GABRR2: variants seen among roughly 807,000 people sequenced by gnomAD.
GABRR2 encodes gamma-aminobutyric acid receptor subunit rho-2.
In GABRR2, 36 loss-of-function variants were observed where a neutral mutation model predicts 47.0. That is an observed-to-expected ratio of 0.77 (90% CI 0.59 to 1.01). GABRR2 has a LOEUF of 1.01. Among genes scored for constraint, GABRR2 ranks in the 50% least tolerant of loss-of-function variants. The pLI is 0.00. For missense variants in GABRR2, 587 were observed against 594.6 expected (o/e 0.99, Z 0.13); for synonymous variants, 204 against 227.5 (o/e 0.90, Z 0.93).
At chr6:89,292,910 A>G (rs1774496920) in intron 2 of GABRR2, among the ~76,000 whole-genome samples, 2 of 149,570 alleles carry the variant, frequency 1.3e-5, no homozygotes, top group African/African-American at 4.9e-5. Context: ...ATATATATAT[A>G]TGCTCATCTA....
chr6:89,294,631 G>A (rs1421096890), intron 2 of GABRR2, among the ~76,000 whole-genome samples: 2 of 151,948 alleles, frequency 1.3e-5, no homozygotes, highest in African/African-American at 4.8e-5. Context: ...GGGTGGGTTG[G>A]GCCCAGGCTC....
chr6:89,302,620 T>C (rs1263502463), intron 1 of GABRR2: 2 of 1,237,658 alleles, frequency 1.6e-6, no homozygotes, highest in Non-Finnish European at 2.3e-6. Flanking sequence ...GCCCTGACCG[T>C]GCCCGAGCTC....
chr6:89,275,891 G>A (rs1477045563), intron 2 of GABRR2, among the ~76,000 whole-genome samples: 1 of 152,096 alleles, frequency 6.6e-6, no homozygotes, highest in Non-Finnish European at 1.5e-5. Flanking sequence ...AATTATGTCA[G>A]TCACCGAACA....
At chr6:89,301,687 T>C in intron 1 of GABRR2, 1 of 580,318 alleles carries the variant, frequency 1.7e-6, no homozygotes. Context: ...ATCTCTACAA[T>C]GAGAATTGCA....
intron 1 of GABRR2, among the ~76,000 whole-genome samples, chr6:89,311,646 G>A (rs985773690): frequency 6.6e-6 from 1 of 152,210 alleles, no homozygotes; most frequent in African/African-American, 2.4e-5. Context: ...AAGCAGGGCT[G>A]ATGTCACCGT....
chr6:89,283,644 T>A (rs962481732), intron 2 of GABRR2, among the ~76,000 whole-genome samples: 1 of 152,092 alleles, frequency 6.6e-6, no homozygotes, highest in Admixed American at 6.5e-5. Flanking sequence ...ATGCATAAAA[T>A]AGCTTTGGAA....
chr6:89,271,813 G>T, intron 2 of GABRR2, 91 bp from the exon 3 acceptor site: 2 of 1,001,274 alleles, frequency 2.0e-6, no homozygotes, highest in South Asian at 1.4e-5. Context: ...GGGGAGCCAG[G>T]ACTGGAGCAG....
In GABRR2 at chr6:89,269,190, C is replaced by G; in HGVS notation, c.333G>C (p.Glu111Asp). 6.2e-7 allele frequency: 1 copy of G among 1,614,074 alleles called. No individual in the cohort carries two copies. The highest frequency in any genetic ancestry group is 1.1e-5 in the South Asian group (1 of 91,088). The stretch of plus-strand genomic sequence containing the variant: ...TGCTGGCGCTGGAGAAAGCTAGCCT[C>G]TCATCCTTCCAGTAATGCCGCAGGT... ...TLYLRHYWKDERLAFSSASNK... is the reference protein window; with the variant it reads ...TLYLRHYWKDDRLAFSSASNK... The change falls in exon 4 of 9, where the codon GAG becomes GAC. Residue 111 changes from glutamate to aspartate, a missense_variant. Physicochemically the swap from Glu to Asp is conservative, Grantham distance 45. Coordinates refer to ENST00000402938, the MANE Select transcript of GABRR2 (RefSeq NM_002043.5).
intron 1 of GABRR2, among the ~76,000 whole-genome samples, chr6:89,310,069 G>C: frequency 6.6e-6 from 1 of 151,228 alleles, no homozygotes; most frequent in East Asian, 1.9e-4. Flanking sequence ...CCTCAGCCTA[G>C]TGTTGATATT....
chr6:89,268,126 G>A, intron 4 of GABRR2, 30 bp from the exon 5 acceptor site: 1 of 1,551,370 alleles, frequency 6.4e-7, no homozygotes, highest in East Asian at 2.3e-5. Flanking sequence ...ATATTGGCTT[G>A]TGCGGTGAAT....
intron 8 of GABRR2, among the ~76,000 whole-genome samples, chr6:89,263,811 C>T (rs1219649448): frequency 6.6e-6 from 1 of 152,206 alleles, no homozygotes; most frequent in Non-Finnish European, 1.5e-5. Context: ...GCGTGAGCCA[C>T]CACGCCCGGC....
chr6:89,257,370 T>G lies in GABRR2; in HGVS notation c.*300A>C. The G allele has an allele frequency of 1.1e-5, 4 of 357,586 alleles. No individual in the cohort carries two copies. The highest frequency in any genetic ancestry group is 4.6e-5 in the South Asian group (1 of 21,720). 22.2% of individuals were successfully genotyped at this position (357,586 alleles called of 1,614,324 possible). ...AGGGTCTAAGAATGTCTAGGAGGCA[T>G]TTGAATCCTTGTTTATAGGAGGGGA... On this transcript the variant is annotated 3_prime_UTR_variant, in exon 9 of 9. Coordinates refer to ENST00000402938, the MANE Select transcript of GABRR2 (RefSeq NM_002043.5).
At chr6:89,274,113 C>T (rs1387731976) in intron 2 of GABRR2, among the ~76,000 whole-genome samples, 1 of 152,248 alleles carries the variant, frequency 6.6e-6, no homozygotes, top group Non-Finnish European at 1.5e-5. Flanking sequence ...GCCTGGCTTG[C>T]TCTTCAGAGC....
intron 2 of GABRR2, among the ~76,000 whole-genome samples, chr6:89,296,464 C>T (rs1430094974): frequency 6.6e-6 from 1 of 152,248 alleles, no homozygotes; most frequent in Non-Finnish European, 1.5e-5. Flanking sequence ...GCCCAGAGGA[C>T]CAACTGCCAT....
chr6:89,305,622 T>TCACA (rs113461901), intron 1 of GABRR2, among the ~76,000 whole-genome samples: 46 of 151,228 alleles, frequency 3.0e-4, no homozygotes, highest in Middle Eastern at 3.4e-3. Flanking sequence ...AGACCCTGTC[T>TCACA]CACACACACA....
chr6:89,277,418 C>T (rs9294430), intron 2 of GABRR2, among the ~76,000 whole-genome samples: 27,768 of 152,116 alleles, frequency 0.18, 2,655 homozygotes, highest in Admixed American at 0.25. Flanking sequence ...CTATGTAATA[C>T]AAATAACTGA....
chr6:89,300,247 C>T (rs1774643204), intron 1 of GABRR2, among the ~76,000 whole-genome samples: 1 of 152,172 alleles, frequency 6.6e-6, no homozygotes, highest in South Asian at 2.1e-4. Context: ...CAGTGGCTCA[C>T]ACCTGTAATC....
At chr6:89,269,299 C>A in intron 3 of GABRR2, 65 bp from the exon 4 acceptor site, 1 of 1,197,564 alleles carries the variant, frequency 8.4e-7, no homozygotes, top group Non-Finnish European at 1.2e-6. Context: ...ACAATCAACC[C>A]ACCATTCACT....
chr6:89,264,358 T>C (rs905753585), intron 8 of GABRR2, 54 bp downstream of exon 8: 2 of 1,557,518 alleles, frequency 1.3e-6, no homozygotes, highest in Non-Finnish European at 1.7e-6. Flanking sequence ...CCAGAAGACC[T>C]TCATTTTCAC....
Sources: gnomAD v4.1 joint callset for allele counts (sites outside exome capture counted in the v4.1 genomes callset) on GRCh38, gnomAD v4.1.1 for gene constraint, MANE v1.5 for transcripts, NCBI Gene and HGNC (gene_info 2026-07-23, HGNC 2026-07-21) for gene names.